Variants in SNX4 observed in about 807,000 individuals in gnomAD.
SNX4 encodes the protein sorting nexin-4.
In SNX4, 49 loss-of-function variants were observed where a neutral mutation model predicts 70.8. The observed-to-expected ratio is 0.69, with a 90% CI of 0.55 to 0.88. The LOEUF (loss-of-function observed/expected upper bound fraction) is 0.88, where lower values mean the gene tolerates loss of function less well. Among genes scored for constraint, SNX4 ranks in the 40% least tolerant of loss-of-function variants. The probability of loss-of-function intolerance (pLI) is 0.00; values close to 1 mark genes in which losing one functional copy is unlikely to be tolerated. For missense variants in SNX4, 528 were observed against 544.8 expected (o/e 0.97, Z 0.31); for synonymous variants, 206 against 183.8 (o/e 1.12, Z -0.98).
At chr3:125,457,975 T>C (rs1933765942) in intron 10 of SNX4, among the ~76,000 whole-genome samples, 1 of 152,148 alleles carries the variant, frequency 6.6e-6, no homozygotes, top group Non-Finnish European at 1.5e-5. Context: ...ATAAAACATT[T>C]TTTAATGTAT....
At chr3:125,504,413 G>T (rs1202421755) in intron 2 of SNX4, among the ~76,000 whole-genome samples, 1 of 150,966 alleles carries the variant, frequency 6.6e-6, no homozygotes, top group African/African-American at 2.4e-5. Context: ...GACCCCAGGA[G>T]TTTGAGGCTG....
chr3:125,469,505 A>G lies in SNX4; in HGVS notation c.803T>C (p.Ile268Thr), dbSNP rs1934114762. The change falls in exon 9 of 14, where the codon ATA (isoleucine) becomes ACA (threonine). Residue 268 changes from isoleucine to threonine, a missense_variant. Transcript: ENST00000251775. ...YGRVFSEWSA[I>T]EKEMGDGLQS... ...CAGTCCATCACCCATTTCTTTTTCT[A>G]TGGCACTCCATTCACTAGGGAGTAA... 3 of 1,612,592 alleles carry G rather than the reference A, an allele frequency of 1.9e-6. No homozygotes were observed. The highest frequency in any genetic ancestry group is 2.2e-5 in the South Asian group (2 of 91,036).
intron 9 of SNX4, among the ~76,000 whole-genome samples, chr3:125,466,081 G>T (rs544987504): frequency 7.8e-4 from 118 of 151,454 alleles, no homozygotes; most frequent in African/African-American, 2.7e-3. Flanking sequence ...TCACTGTAGA[G>T]GTCTTTCATA....
At position 125,478,405 on chromosome 3, in the gene SNX4, A is replaced by G. The variant is rs1934332688; in HGVS notation, c.727-1649T>C. ...TTTTGAGCAGTCTGTGCAGTGTTGA[A>G]TGTTTTTCTTTTCTTTTTTTTTTTT... is the stretch of plus-strand genomic sequence containing the variant. On this transcript the variant is annotated intron_variant, in intron 7 of 13. Coordinates refer to ENST00000251775, the MANE Select transcript of SNX4 (RefSeq NM_003794.4). Among the ~76,000 whole-genome samples, 3 of 137,720 alleles carry G rather than the reference A, an allele frequency of 2.2e-5. No individual in the cohort carries two copies. In the South Asian group the frequency reaches 7.0e-4, roughly 32 times the overall value. The allele number at this position is 137,720 out of a possible 152,430, so 90.3% of individuals were successfully genotyped here.
Position 125,471,103 on chromosome 3 carries a change from G to A in SNX4, c.789-1584C>T, listed in dbSNP as rs1934157889. ...CTCACGCCTATAATCCCAGCACTCT[G>A]GGAAGCCAAGGAGGGCAGATCACCT... On this transcript the variant is annotated intron_variant, in intron 8 of 13. Coordinates refer to ENST00000251775, the MANE Select transcript of SNX4 (RefSeq NM_003794.4). Among the ~76,000 whole-genome samples, 4 of 152,170 alleles carry A rather than the reference G, an allele frequency of 2.6e-5. No individual in the cohort carries two copies. The Middle Eastern group carries it at 0.014, about 521-fold the overall frequency.
chr3:125,484,040 G>C (rs1286847139), intron 6 of SNX4, among the ~76,000 whole-genome samples: 1 of 152,184 alleles, frequency 6.6e-6, no homozygotes, highest in Non-Finnish European at 1.5e-5. Flanking sequence ...ATACTAGGAA[G>C]ATGGTGACAT....
chr3:125,516,605 C>T (rs1303021171), intron 1 of SNX4, among the ~76,000 whole-genome samples: 1 of 152,182 alleles, frequency 6.6e-6, no homozygotes, highest in African/African-American at 2.4e-5. Flanking sequence ...CTTTGGGAGG[C>T]TGAGGTGGGT....
In SNX4 at chr3:125,468,640, G is replaced by A. The variant is rs373596553; in HGVS notation, c.854+814C>T. On this transcript the variant is annotated intron_variant, in intron 9 of 13. Coordinates refer to ENST00000251775, the MANE Select transcript of SNX4 (RefSeq NM_003794.4). ...GCAGGAGGATTGCTTAAGGCCAGGA[G>A]TCCAAGATCGACCTGGGCAACATAG... 2.0e-4 allele frequency among the ~76,000 whole-genome samples: 31 copies of A among 152,276 alleles called. No homozygotes were observed. The East Asian group carries it at 5.0e-3, about 25-fold the overall frequency.
At chr3:125,470,840 T>C (rs1579984087) in intron 8 of SNX4, among the ~76,000 whole-genome samples, 1 of 152,054 alleles carries the variant, frequency 6.6e-6, no homozygotes, top group African/African-American at 2.4e-5. Flanking sequence ...TGTTTAAACA[T>C]AAGAGTTCCA....
intron 8 of SNX4, among the ~76,000 whole-genome samples, chr3:125,473,184 C>T (rs897832473): frequency 6.6e-6 from 1 of 152,076 alleles, no homozygotes; most frequent in African/African-American, 2.4e-5. Context: ...TGTCTCCTTC[C>T]ACCCTCCCTC....
At chr3:125,478,307 TG>T (rs1934330112) in intron 7 of SNX4, among the ~76,000 whole-genome samples, 1 of 151,948 alleles carries the variant, frequency 6.6e-6, no homozygotes, top group Non-Finnish European at 1.5e-5. Context: ...TGACCTCAAA[TG>T]ATCTGCCCAC....
chr3:125,453,702 G>T, intron 12 of SNX4, 108 bp downstream of exon 12: 1 of 1,043,140 alleles, frequency 9.6e-7, no homozygotes, highest in Non-Finnish European at 1.3e-6. Context: ...TGTATTCAGG[G>T]ATGCCAATGA....
intron 5 of SNX4, among the ~76,000 whole-genome samples, chr3:125,495,281 C>T (rs367990262): frequency 0.018 from 454 of 25,110 alleles, no homozygotes; most frequent in Non-Finnish European, 0.045. Flanking sequence ...TATATATACA[C>T]ATACACACAC....
chr3:125,515,409 C>A (rs1051875535), intron 1 of SNX4, among the ~76,000 whole-genome samples: 7 of 151,578 alleles, frequency 4.6e-5, no homozygotes, highest in Non-Finnish European at 8.8e-5. Context: ...CGCCTGTAAT[C>A]CCAGCAATTT....
chr3:125,468,975 G>A (rs1015391084), intron 9 of SNX4, among the ~76,000 whole-genome samples: 1 of 151,906 alleles, frequency 6.6e-6, no homozygotes, highest in South Asian at 2.1e-4. Flanking sequence ...AATATTTAGG[G>A]CTCTTATTTA....
intron 8 of SNX4, 48 bp downstream of exon 8, chr3:125,476,646 CA>C: frequency 9.5e-7 from 1 of 1,049,806 alleles, no homozygotes; most frequent in Non-Finnish European, 1.5e-6. Context: ...TGTTTTCAGG[CA>C]AAAAGGTAAT....
chr3:125,486,526 T>G (rs1934538219), intron 6 of SNX4, among the ~76,000 whole-genome samples: 1 of 152,114 alleles, frequency 6.6e-6, no homozygotes, highest in African/African-American at 2.4e-5. Context: ...CTCAGGAGGC[T>G]GAGGCAGGAG....
chr3:125,473,396 T>C (rs542926564), intron 8 of SNX4, among the ~76,000 whole-genome samples: 1 of 152,040 alleles, frequency 6.6e-6, no homozygotes, highest in African/African-American at 2.4e-5. Flanking sequence ...TTTTCCCCCT[T>C]CTCATCTAAA....
intron 11 of SNX4, among the ~76,000 whole-genome samples, chr3:125,454,857 T>G (rs767922796): frequency 6.6e-6 from 1 of 152,202 alleles, no homozygotes; most frequent in Admixed American, 6.5e-5. Context: ...TACAGAGTCA[T>G]AGCCAAGAAT....
Sources: allele counts gnomAD v4.1 joint callset (sites outside exome capture counted in the v4.1 genomes callset), GRCh38; gene constraint gnomAD v4.1.1; transcripts MANE v1.5; gene names NCBI Gene and HGNC (gene_info 2026-07-23, HGNC 2026-07-21).